The following CTNNA3 variants were observed in gnomAD, a reference collection of about 807,000 sequenced individuals.
CTNNA3 encodes catenin alpha 3.
CTNNA3 carries 76 observed loss-of-function variants against 95.7 expected under a neutral mutation model. That is an observed-to-expected ratio of 0.79 (90% CI 0.66 to 0.96). The LOEUF is 0.96. Among genes scored for constraint, CTNNA3 ranks in the 40% least tolerant of loss-of-function variants. The probability of loss-of-function intolerance (pLI) is 0.00; values close to 1 mark genes in which losing one functional copy is unlikely to be tolerated. For synonymous variants in CTNNA3, 431 were observed against 374.4 expected (o/e 1.15, Z -1.74); for missense variants, 1,191 against 1,089.8 (o/e 1.09, Z -1.31).
intron 5 of CTNNA3, among the ~76,000 whole-genome samples, chr10:67,288,274 C>T (rs1839688266): frequency 6.6e-6 from 1 of 152,170 alleles, no homozygotes; most frequent in South Asian, 2.1e-4. Context: ...CTTTCTACTA[C>T]ACGTCTTTGA....
At chr10:67,030,724 G>C (rs1003848178) in intron 7 of CTNNA3, among the ~76,000 whole-genome samples, 1 of 152,078 alleles carries the variant, frequency 6.6e-6, no homozygotes, top group Non-Finnish European at 1.5e-5. Context: ...GAAAAGTACC[G>C]GTCAGATGCG....
chr10:66,374,576 G>C (rs1444506424), intron 12 of CTNNA3, among the ~76,000 whole-genome samples: 1 of 135,844 alleles, frequency 7.4e-6, no homozygotes, highest in Non-Finnish European at 1.6e-5. Context: ...TTTTTCTCCT[G>C]TAGCTCATAT....
chr10:67,164,982 C>T (rs1397557425), intron 7 of CTNNA3, among the ~76,000 whole-genome samples: 1 of 152,088 alleles, frequency 6.6e-6, no homozygotes, highest in East Asian at 1.9e-4. Flanking sequence ...CATCACATAC[C>T]ATAACCTAGC....
intron 1 of CTNNA3, among the ~76,000 whole-genome samples, chr10:67,762,560 AT>A (rs1841467695): frequency 6.6e-6 from 1 of 152,200 alleles, no homozygotes; most frequent in Admixed American, 6.5e-5. Flanking sequence ...AGAAGGAAAG[AT>A]AAAAAGGGCT....
intron 12 of CTNNA3, among the ~76,000 whole-genome samples, chr10:66,295,727 G>A (rs1308284403): frequency 6.6e-6 from 1 of 152,104 alleles, no homozygotes; most frequent in Non-Finnish European, 1.5e-5. Flanking sequence ...GCTCCCTCCT[G>A]GTAAAGATAG....
At chr10:67,703,340 C>A (rs983735476) in intron 1 of CTNNA3, among the ~76,000 whole-genome samples, 7 of 152,036 alleles carry the variant, frequency 4.6e-5, no homozygotes, top group Admixed American at 2.6e-4. Context: ...AATTTTAGAC[C>A]AATATCCTTG....
chr10:66,526,394 C>T (rs1198607656), intron 10 of CTNNA3, among the ~76,000 whole-genome samples: 1 of 151,976 alleles, frequency 6.6e-6, no homozygotes, highest in East Asian at 1.9e-4. Context: ...GTCATGTTGC[C>T]CAGGCTGGTC....
intron 11 of CTNNA3, among the ~76,000 whole-genome samples, chr10:66,465,399 G>T (rs556315358): frequency 6.6e-6 from 1 of 152,128 alleles, no homozygotes; most frequent in East Asian, 1.9e-4. Flanking sequence ...AAATACATTA[G>T]GTCTATCTTT....
intron 9 of CTNNA3, among the ~76,000 whole-genome samples, chr10:66,639,355 G>A (rs573906765): frequency 5.3e-5 from 8 of 152,226 alleles, no homozygotes; most frequent in African/African-American, 1.4e-4. Flanking sequence ...TAAAGTATTC[G>A]TATTTATCCT....
intron 13 of CTNNA3, among the ~76,000 whole-genome samples, chr10:66,258,023 G>A (rs573120297): frequency 3.6e-4 from 55 of 152,202 alleles, no homozygotes; most frequent in African/African-American, 1.2e-3. Context: ...CTGCCCCAGG[G>A]AATGGCAAAA....
At chr10:66,668,534 CG>C (rs1846543293) in intron 9 of CTNNA3, among the ~76,000 whole-genome samples, 1 of 151,072 alleles carries the variant, frequency 6.6e-6, no homozygotes, top group Non-Finnish European at 1.5e-5. Context: ...ATATATTGGC[CG>C]GGTGCGGTGG....
intron 7 of CTNNA3, among the ~76,000 whole-genome samples, chr10:66,871,162 G>A (rs575693477): frequency 7.9e-5 from 12 of 152,258 alleles, no homozygotes; most frequent in African/African-American, 2.2e-4. Context: ...AGCAGAGGGC[G>A]AATAAAGCTG....
At chr10:67,081,117 T>C (rs1170447685) in intron 7 of CTNNA3, among the ~76,000 whole-genome samples, 1 of 152,188 alleles carries the variant, frequency 6.6e-6, no homozygotes, top group Admixed American at 6.5e-5. Flanking sequence ...TTCTCTCTCC[T>C]TCAGTTCTGA....
At chr10:66,450,996 A>G (rs1295953412) in intron 11 of CTNNA3, among the ~76,000 whole-genome samples, 1 of 152,150 alleles carries the variant, frequency 6.6e-6, no homozygotes, top group Non-Finnish European at 1.5e-5. Flanking sequence ...TGCCTCCAAT[A>G]TAAATGGAAC....
chr10:67,407,960 G>T (rs557026713), intron 5 of CTNNA3, among the ~76,000 whole-genome samples: 3 of 151,234 alleles, frequency 2.0e-5, no homozygotes, highest in Non-Finnish European at 4.4e-5. Context: ...GGCAAGTAGA[G>T]AAACAAATCA....
rs536825430 is a variant in CTNNA3 at position 66,743,974 on chromosome 10, C to CAAA, written c.1281+22287_1281+22289dup. On this transcript the variant is annotated intron_variant, in intron 9 of 17. Coordinates refer to ENST00000433211, the MANE Select transcript of CTNNA3 (RefSeq NM_013266.4). The stretch of plus-strand genomic sequence containing the variant: ...CTGGTGACACAGTGAGATTCCATCT[C>CAAA]AAAAAAAAAAAAAAAAAAAAAAAAA... Among the ~76,000 whole-genome samples, 381 of 44,752 alleles carry CAAA rather than the reference C, an allele frequency of 8.5e-3. 10 individuals carry two copies. Among genetic ancestry groups the CAAA allele is most frequent in the African/African-American group, 0.019 (221 of 11,774 alleles). The allele number at this position is 44,752 out of a possible 152,430, so 29.4% of individuals were successfully genotyped here.
At chr10:66,548,557 A>T (rs1842109958) in intron 10 of CTNNA3, among the ~76,000 whole-genome samples, 1 of 151,986 alleles carries the variant, frequency 6.6e-6, no homozygotes. Context: ...GATGTTATAG[A>T]TTTTTTTGTC....
intron 12 of CTNNA3, among the ~76,000 whole-genome samples, chr10:66,282,692 A>G (rs1342538124): frequency 6.6e-6 from 1 of 151,612 alleles, no homozygotes; most frequent in East Asian, 1.9e-4. Flanking sequence ...TTTAAGTATA[A>G]TCTTATGAAT....
chr10:67,101,350 G>A (rs892227116), intron 7 of CTNNA3, among the ~76,000 whole-genome samples: 3 of 151,574 alleles, frequency 2.0e-5, no homozygotes, highest in African/African-American at 7.3e-5. Context: ...GAGCTAATTG[G>A]GAAGACTTAC....
Sources: allele counts gnomAD v4.1 joint callset (sites outside exome capture counted in the v4.1 genomes callset), GRCh38; gene constraint gnomAD v4.1.1; transcripts MANE v1.5; gene names NCBI Gene and HGNC (gene_info 2026-07-23, HGNC 2026-07-21).